Variants in RABEP1 observed in about 807,000 individuals in gnomAD.
RABEP1 encodes the protein rab GTPase-binding effector protein 1.
Under a neutral mutation model 123.4 loss-of-function variants are expected in RABEP1, and 51 were observed. The ratio of observed to expected loss-of-function variants is 0.41; its 90% CI spans 0.33 to 0.52. RABEP1 has a LOEUF of 0.52. Among genes scored for constraint, RABEP1 ranks in the 20% least tolerant of loss-of-function variants. The pLI is 0.16. For synonymous variants in RABEP1, 347 were observed against 355.2 expected (o/e 0.98, Z 0.26); for missense variants, 888 against 996.3 (o/e 0.89, Z 1.46).
chr17:5,296,919 T>G (rs1253457774), intron 1 of RABEP1, among the ~76,000 whole-genome samples: 1 of 152,012 alleles, frequency 6.6e-6, no homozygotes, highest in Non-Finnish European at 1.5e-5. Flanking sequence ...TTTTATTTTT[T>G]GTAGAGAAGA....
At chr17:5,318,567 A>T (rs1167982468) in intron 2 of RABEP1, among the ~76,000 whole-genome samples, 1 of 152,164 alleles carries the variant, frequency 6.6e-6, no homozygotes, top group Non-Finnish European at 1.5e-5. Context: ...AAAAGAAAGC[A>T]CTATGCCCAG....
At chr17:5,346,113 A>G (rs555368591) in intron 5 of RABEP1, among the ~76,000 whole-genome samples, 61 of 152,254 alleles carry the variant, frequency 4.0e-4, no homozygotes, top group Admixed American at 3.5e-3. Flanking sequence ...CGTGTTTCCC[A>G]GGCTGGTCTC....
rs1466563151 is a variant in RABEP1, at chr17:5,384,019, G to GAAGTGTTTTAGTCTAGTTATTGGAT, written c.*797_*821dup. ...CCGAACTGGTACCATCTACTCTTTT[G>GAAGTGTTTTAGTCTAGTTATTGGAT]AAGTGTTTTAGTCTAGTTATTGGAT... On this transcript the variant is annotated 3_prime_UTR_variant, in exon 18 of 18. Coordinates refer to ENST00000537505, the MANE Select transcript of RABEP1 (RefSeq NM_004703.6). 1 of 218,922 alleles carries GAAGTGTTTTAGTCTAGTTATTGGAT rather than the reference G, an allele frequency of 4.6e-6. No individual in the cohort carries two copies. Among genetic ancestry groups the GAAGTGTTTTAGTCTAGTTATTGGAT allele is most frequent in the African/African-American group, 2.2e-5 (1 of 44,520 alleles). The allele number at this position is 218,922 out of a possible 1,614,324, so 13.6% of individuals were successfully genotyped here.
At chr17:5,310,823 T>G (rs2075231484) in intron 2 of RABEP1, among the ~76,000 whole-genome samples, 1 of 151,782 alleles carries the variant, frequency 6.6e-6, no homozygotes, top group South Asian at 2.1e-4. Context: ...TTTTTTTTTT[T>G]TTTTGAGACC....
chr17:5,353,195 T>A (rs144865294), intron 7 of RABEP1, among the ~76,000 whole-genome samples: 1 of 152,310 alleles, frequency 6.6e-6, no homozygotes, highest in Admixed American at 6.5e-5. Context: ...GGCCTGCTTT[T>A]CCATGTTTCT....
rs762874443 is a variant in RABEP1, at chr17:5,361,682, T to TA, written c.1563+8dup. On this transcript the variant is annotated splice_region_variant and intron_variant, in intron 9 of 17. Transcript: ENST00000537505. Reference sequence around the variant, plus strand: ...GAATCTCTTGCAGAAAGAGGTGAGTTACCTTTCTCACGTTTTTCCTCTTGC... The same window carrying TA: ...GAATCTCTTGCAGAAAGAGGTGAGTTAACCTTTCTCACGTTTTTCCTCTTGC... 20 of 1,588,674 alleles carry TA rather than the reference T, an allele frequency of 1.3e-5. No homozygotes were observed. The African/African-American group carries it at 1.5e-4, about 12-fold the overall frequency.
At chr17:5,367,357 TG>T in intron 11 of RABEP1, among the ~76,000 whole-genome samples, 1 of 151,760 alleles carries the variant, frequency 6.6e-6, no homozygotes, top group Admixed American at 6.6e-5. Flanking sequence ...CTGCAACGTC[TG>T]CCTCCCAGGT....
intron 11 of RABEP1, among the ~76,000 whole-genome samples, chr17:5,366,180 T>A (rs1250716102): frequency 1.3e-5 from 2 of 152,176 alleles, no homozygotes; most frequent in African/African-American, 4.8e-5. Flanking sequence ...GCCATTTCGG[T>A]GGATGTATAA....
At chr17:5,312,682 T>C (rs2144535905) in intron 2 of RABEP1, among the ~76,000 whole-genome samples, 1 of 152,274 alleles carries the variant, frequency 6.6e-6, no homozygotes, top group South Asian at 2.1e-4. Flanking sequence ...GGTGGCACTC[T>C]GCAAGACACT....
intron 7 of RABEP1, among the ~76,000 whole-genome samples, chr17:5,351,228 T>G (rs1908522356): frequency 6.6e-6 from 1 of 152,174 alleles, no homozygotes; most frequent in Non-Finnish European, 1.5e-5. Context: ...CACTGCATAT[T>G]CAGGTTCCTG....
intron 1 of RABEP1, among the ~76,000 whole-genome samples, chr17:5,284,478 T>G (rs116772993): frequency 0.05 from 7,655 of 151,976 alleles, 324 homozygotes; most frequent in African/African-American, 0.12. Context: ...TTTTTTTTTT[T>G]TCTTTGAGAC....
chr17:5,330,250 T>G (rs775000113), intron 2 of RABEP1, among the ~76,000 whole-genome samples: 1 of 152,222 alleles, frequency 6.6e-6, no homozygotes, highest in Admixed American at 6.5e-5. Flanking sequence ...GTGTCTGTCT[T>G]TAAGGGACTT....
intron 2 of RABEP1, among the ~76,000 whole-genome samples, chr17:5,318,239 C>G (rs9894017): frequency 0.49 from 74,250 of 151,890 alleles, 19,569 homozygotes; most frequent in African/African-American, 0.7. Context: ...CTTCAGTCTT[C>G]TTAGACTGAA....
intron 1 of RABEP1, among the ~76,000 whole-genome samples, chr17:5,306,627 G>GAA (rs5819021): frequency 1.9e-3 from 280 of 144,792 alleles, no homozygotes; most frequent in African/African-American, 5.5e-3. Flanking sequence ...GACTCTGTCT[G>GAA]AAAAAAAAAA....
intron 2 of RABEP1, among the ~76,000 whole-genome samples, chr17:5,322,840 C>T (rs775283734): frequency 2.1e-4 from 32 of 152,180 alleles, no homozygotes; most frequent in South Asian, 6.2e-4. Context: ...TTTGGGAGGC[C>T]GAGGCGGGTG....
chr17:5,284,868 G>T (rs1273982607), intron 1 of RABEP1, among the ~76,000 whole-genome samples: 1 of 150,068 alleles, frequency 6.7e-6, no homozygotes, highest in Non-Finnish European at 1.5e-5. Flanking sequence ...AAAAAAAATC[G>T]CCAGAATTCT....
chr17:5,360,194 T>C (rs1348175939), intron 8 of RABEP1, among the ~76,000 whole-genome samples: 1 of 152,266 alleles, frequency 6.6e-6, no homozygotes, highest in East Asian at 1.9e-4. Context: ...TGGAATTACA[T>C]AATATGTGAC....
Position 5,376,721 on chromosome 17 carries a change from T to C in RABEP1, c.2026-395T>C, listed in dbSNP as rs186986088. Reference sequence around the variant, plus strand: ...TAAATGTTATCCTCTTAGTTCACACTTGCTACTGAGTGTGAACTTGCTACT... The same window carrying C: ...TAAATGTTATCCTCTTAGTTCACACCTGCTACTGAGTGTGAACTTGCTACT... On this transcript the variant is annotated intron_variant, in intron 13 of 17. Coordinates refer to ENST00000537505, the MANE Select transcript of RABEP1 (RefSeq NM_004703.6). Among the ~76,000 whole-genome samples, 17 of 152,316 alleles carry C rather than the reference T, an allele frequency of 1.1e-4. 1 individual carries two copies. The highest frequency in any genetic ancestry group is 8.5e-4 in the Admixed American group (13 of 15,308).
intron 14 of RABEP1, 139 bp from the exon 15 acceptor site, chr17:5,378,038 G>A: frequency 3.2e-6 from 2 of 623,854 alleles, no homozygotes; most frequent in South Asian, 2.1e-5. Flanking sequence ...ATTGCTTGGT[G>A]GTAATTTTGA....
Sources: allele counts gnomAD v4.1 joint callset (sites outside exome capture counted in the v4.1 genomes callset), GRCh38; gene constraint gnomAD v4.1.1; transcripts MANE v1.5; gene names NCBI Gene and HGNC (gene_info 2026-07-23, HGNC 2026-07-21).